Variants in PDGFRA observed in about 807,000 individuals in gnomAD.
The protein encoded by PDGFRA is platelet derived growth factor receptor alpha.
In PDGFRA, 25 loss-of-function variants were observed where a neutral mutation model predicts 121.5. The observed-to-expected ratio is 0.21, with a 90% CI of 0.15 to 0.29. The LOEUF is 0.29. Ranked by LOEUF, PDGFRA falls within the 10% of genes least tolerant of loss-of-function variation. The probability of loss-of-function intolerance (pLI) is 1.00; values close to 1 mark genes in which losing one functional copy is unlikely to be tolerated. For synonymous variants in PDGFRA, 463 were observed against 494.8 expected, an observed-to-expected ratio of 0.94 and a Z score of 0.85; for missense variants, 1,008 against 1,345.1, an observed-to-expected ratio of 0.75 and a Z score of 3.92.
At chr4:54,241,106 T>C (rs899464763) in intron 1 of PDGFRA, among the ~76,000 whole-genome samples, 2 of 152,228 alleles carry the variant, frequency 1.3e-5, no homozygotes, top group African/African-American at 4.8e-5. Context: ...AAAATTCATA[T>C]ATAACTCTGT....
intron 12 of PDGFRA, chr4:54,276,706 TG>T (rs1723747132): frequency 6.5e-6 from 1 of 152,898 alleles, no homozygotes; most frequent in Non-Finnish European, 1.5e-5. Context: ...GTGTCTTTTA[TG>T]AGCCAAGTCT....
chr4:54,274,890 A>C lies in PDGFRA; in HGVS notation c.1703A>C (p.Asp568Ala). The change falls in exon 12 of 23, where the codon GAT becomes GCT. Residue 568 changes from aspartate (D) to alanine (A), a missense_variant. By Grantham distance (126) the Asp-to-Ala change is moderately radical (BLOSUM62 -2). Coordinates refer to ENST00000257290, the MANE Select transcript of PDGFRA (RefSeq NM_006206.6). ...RWRVIESISP[D>A]GHEYIYVDPM... ...AGGGTCATTGAATCAATCAGCCCAGATGGACATGAATATATTTATGTGGAC... is the reference window on the plus strand; with the variant it reads ...AGGGTCATTGAATCAATCAGCCCAGCTGGACATGAATATATTTATGTGGAC... The C allele has an allele frequency of 6.2e-7, 1 of 1,613,870 alleles. No individual in the cohort carries two copies. The highest frequency in any genetic ancestry group is 8.5e-7 in the Non-Finnish European group (1 of 1,179,752).
chr4:54,278,050 T>C, intron 14 of PDGFRA, 44 bp downstream of exon 14: 1 of 1,167,164 alleles, frequency 8.6e-7, no homozygotes, highest in Non-Finnish European at 1.3e-6. Flanking sequence ...TGGACACATG[T>C]GGTTGTGAAA....
chr4:54,243,904 G>A (rs1721459072), intron 1 of PDGFRA, among the ~76,000 whole-genome samples: 1 of 152,190 alleles, frequency 6.6e-6, no homozygotes. Flanking sequence ...AGGCACACCA[G>A]GAGATTATAT....
rs886059460 is a variant in PDGFRA at position 54,297,747 on chromosome 4, C to T, written c.*2475C>T. ...GAAGAAAATTTGCCAATCTTTCCTA[C>T]TTTCTATTTTTATGATGACAATCAA... On this transcript the variant is annotated 3_prime_UTR_variant, in exon 23 of 23. Transcript: ENST00000257290. 8.6e-6 allele frequency: 2 copies of T among 233,502 alleles called. No homozygotes were observed. The highest frequency in any genetic ancestry group is 1.7e-5 in the Non-Finnish European group (2 of 118,050). 14.5% of individuals were successfully genotyped at this position (233,502 alleles called of 1,614,324 possible).
At chr4:54,264,836 A>T (rs1722941840) in intron 4 of PDGFRA, 83 bp from the exon 5 acceptor site, 3 of 816,974 alleles carry the variant, frequency 3.7e-6, no homozygotes, top group South Asian at 2.5e-5. Context: ...GGTTTTCTTA[A>T]AAAAAAAAAA....
At chr4:54,231,549 A>C (rs1178106082) in intron 1 of PDGFRA, among the ~76,000 whole-genome samples, 1 of 152,068 alleles carries the variant, frequency 6.6e-6, no homozygotes, top group African/African-American at 2.4e-5. Context: ...GTCAACCTGG[A>C]CCCCGGCACT....
At position 54,295,425 on chromosome 4, in the gene PDGFRA, T is replaced by C. The variant is rs1300210667; in HGVS notation, c.*153T>C. 4.4e-6 allele frequency: 3 copies of C among 682,990 alleles called. No individual in the cohort carries two copies. Among genetic ancestry groups the C allele is most frequent in the Non-Finnish European group, 7.7e-6 (3 of 391,466 alleles). 42.3% of individuals were successfully genotyped at this position (682,990 alleles called of 1,614,324 possible). On this transcript the variant is annotated 3_prime_UTR_variant, in exon 23 of 23. Transcript: ENST00000257290. ...AGGGCCTCGGGGAGCGTTCTAAATA[T>C]GAATGAATGGGATATTTTGAAATGA...
chr4:54,240,531 GC>G (rs1721245168), intron 1 of PDGFRA, among the ~76,000 whole-genome samples: 1 of 152,150 alleles, frequency 6.6e-6, no homozygotes, highest in East Asian at 1.9e-4. Context: ...TCTTGGTTTT[GC>G]CTTTTCTTGT....
At chr4:54,292,660 C>A (rs987787022) in intron 22 of PDGFRA, among the ~76,000 whole-genome samples, 1 of 151,456 alleles carries the variant, frequency 6.6e-6, no homozygotes, top group Non-Finnish European at 1.5e-5. Flanking sequence ...GCATATGTAC[C>A]CCTGAACTTA....
intron 1 of PDGFRA, among the ~76,000 whole-genome samples, chr4:54,233,464 G>A (rs984975450): frequency 6.6e-6 from 1 of 152,240 alleles, no homozygotes; most frequent in African/African-American, 2.4e-5. Flanking sequence ...CGGGGCTGTC[G>A]CGCCCTCTAG....
intron 1 of PDGFRA, among the ~76,000 whole-genome samples, chr4:54,234,075 T>A (rs531875716): frequency 6.6e-6 from 1 of 152,178 alleles, no homozygotes; most frequent in Non-Finnish European, 1.5e-5. Context: ...CGAGTCCGGC[T>A]GAGCCTCTGC....
chr4:54,272,906 G>A (rs906080012), intron 9 of PDGFRA, among the ~76,000 whole-genome samples: 6 of 152,092 alleles, frequency 3.9e-5, no homozygotes, highest in Admixed American at 2.6e-4. Context: ...TCCCTCCCCC[G>A]AGTCCTCAGC....
In PDGFRA at chr4:54,261,142, A is replaced by G; in HGVS notation, c.97A>G (p.Asn33Asp). Residue 33 changes from asparagine (N) to aspartate (D), a missense_variant, in exon 3 of 23, where the codon AAT (asparagine) becomes GAT (aspartate). By Grantham distance (23) the Asn-to-Asp change is conservative. Around this residue, in one of 5 missense-constraint regions of PDGFRA, gnomAD observed 575 missense variants for 701.8 expected, o/e 0.82. Transcript: ENST00000257290. ...CQLSLPSILPNENEKVVQLNS... is the reference protein window; with the variant it reads ...CQLSLPSILPDENEKVVQLNS... ...GCTTTCATTACCCTCTATCCTTCCA[A>G]ATGAAAATGAAAAGGTTGTGCAGCT... The G allele has an allele frequency of 6.2e-7, 1 of 1,614,110 alleles. No homozygotes were observed. Among genetic ancestry groups the G allele is most frequent in the Non-Finnish European group, 8.5e-7 (1 of 1,180,028 alleles).
intron 1 of PDGFRA, among the ~76,000 whole-genome samples, chr4:54,245,231 C>T (rs1476829529): frequency 6.6e-6 from 1 of 152,008 alleles, no homozygotes; most frequent in Non-Finnish European, 1.5e-5. Context: ...CACAAAGATA[C>T]TCCTCGAGAA....
chr4:54,264,834 TAAAAAAA>T, intron 4 of PDGFRA, 78 bp from the exon 5 acceptor site: 1 of 1,032,724 alleles, frequency 9.7e-7, no homozygotes, highest in Non-Finnish European at 1.4e-6. Context: ...AGGGTTTTCT[TAAAAAAA>T]AAAAAAAAAA....
In PDGFRA at chr4:54,295,757, A is replaced by G. The variant is rs1724852589; in HGVS notation, c.*485A>G. ...GATGTCAGCTGCTGTTGAACTTTTT[A>G]AAGAAGTGCATGAAAAACCATTTTT... On this transcript the variant is annotated 3_prime_UTR_variant, in exon 23 of 23. Coordinates refer to ENST00000257290, the MANE Select transcript of PDGFRA (RefSeq NM_006206.6). 4.1e-6 allele frequency: 1 copy of G among 246,186 alleles called. No individual in the cohort carries two copies. The highest frequency in any genetic ancestry group is 8.0e-6 in the Non-Finnish European group (1 of 125,194). 15.3% of individuals were successfully genotyped at this position (246,186 alleles called of 1,614,324 possible). A position where few individuals can be genotyped will look rare whatever the true frequency, so the allele number is the denominator to read the frequency against.
At chr4:54,234,614 G>A (rs1463405981) in intron 1 of PDGFRA, among the ~76,000 whole-genome samples, 1 of 152,166 alleles carries the variant, frequency 6.6e-6, no homozygotes, top group Non-Finnish European at 1.5e-5. Flanking sequence ...TTTATTTCGT[G>A]GAAATTTGTG....
chr4:54,243,882 G>T (rs146012946), intron 1 of PDGFRA, among the ~76,000 whole-genome samples: 31 of 152,270 alleles, frequency 2.0e-4, no homozygotes, highest in African/African-American at 7.0e-4. Context: ...CTTTTCCGAC[G>T]GGCTTAAAAA....
Sources: allele counts gnomAD v4.1 joint callset (sites outside exome capture counted in the v4.1 genomes callset), GRCh38; gene constraint gnomAD v4.1.1; regional missense constraint gnomAD v4.1.1; transcripts MANE v1.5; gene names NCBI Gene and HGNC (gene_info 2026-07-23, HGNC 2026-07-21).